The following ARHGAP22 variants were observed in gnomAD, a reference collection of about 807,000 sequenced individuals.
The protein encoded by ARHGAP22 is Rho GTPase activating protein 22, also known as rho GTPase-activating protein 22.
Under a neutral mutation model 59.1 loss-of-function variants are expected in ARHGAP22, and 48 were observed. That is an observed-to-expected ratio of 0.81 (90% CI 0.64 to 1.03). The LOEUF (loss-of-function observed/expected upper bound fraction) is 1.03, where lower values mean the gene tolerates loss of function less well. ARHGAP22 is among the 50% of genes least tolerant of loss of function. The probability of loss-of-function intolerance (pLI) is 0.00; values close to 1 mark genes in which losing one functional copy is unlikely to be tolerated. For missense variants in ARHGAP22, 1,015 were observed against 958.7 expected (o/e 1.06, Z -0.78); for synonymous variants, 445 against 416.4 (o/e 1.07, Z -0.84).
intron 1 of ARHGAP22, among the ~76,000 whole-genome samples, chr10:48,616,361 C>T (rs2061080937): frequency 6.6e-6 from 1 of 151,912 alleles, no homozygotes; most frequent in African/African-American, 2.4e-5. Flanking sequence ...TGCAATGTCT[C>T]CTAGATATGC....
intron 1 of ARHGAP22, among the ~76,000 whole-genome samples, chr10:48,593,335 G>A (rs921820250): frequency 6.6e-6 from 1 of 152,178 alleles, no homozygotes; most frequent in Non-Finnish European, 1.5e-5. Context: ...AACTACAGTA[G>A]TCTCCCCTTA....
At chr10:48,592,025 C>G (rs998325762) in intron 1 of ARHGAP22, among the ~76,000 whole-genome samples, 2 of 151,990 alleles carry the variant, frequency 1.3e-5, no homozygotes, top group Non-Finnish European at 2.9e-5. Context: ...ATGTAAAAAC[C>G]TGAGTGCCCG....
At chr10:48,566,605 C>T (rs1006793857) in intron 2 of ARHGAP22, among the ~76,000 whole-genome samples, 3 of 152,226 alleles carry the variant, frequency 2.0e-5, no homozygotes, top group African/African-American at 7.2e-5. Flanking sequence ...ACGCTGCCAC[C>T]TGTGAACCTG....
At chr10:48,475,838 T>C (rs567740257) in intron 4 of ARHGAP22, among the ~76,000 whole-genome samples, 40 of 152,264 alleles carry the variant, frequency 2.6e-4, no homozygotes, top group African/African-American at 9.1e-4. Context: ...TGCCATGAGG[T>C]GCTAACAGCT....
intron 9 of ARHGAP22, 110 bp from the exon 10 acceptor site, chr10:48,446,729 G>C: frequency 6.6e-6 from 7 of 1,066,086 alleles, no homozygotes; most frequent in Non-Finnish European, 9.4e-6. Flanking sequence ...GCCAAGCCAT[G>C]GCGGCAGGAG....
At chr10:48,630,511 A>G (rs1288137088) in intron 1 of ARHGAP22, among the ~76,000 whole-genome samples, 1 of 152,234 alleles carries the variant, frequency 6.6e-6, no homozygotes, top group Non-Finnish European at 1.5e-5. Flanking sequence ...CATAAAGATT[A>G]TGTACATATT....
intron 1 of ARHGAP22, among the ~76,000 whole-genome samples, chr10:48,623,687 C>T (rs189644364): frequency 1.8e-4 from 27 of 152,300 alleles, no homozygotes; most frequent in African/African-American, 6.3e-4. Flanking sequence ...GAACCCTGGA[C>T]CCCTCACCAA....
At chr10:48,655,112 C>CTCTTCTCTTCTCTTCTCTTCTCTTT (rs1554968197), upstream of ARHGAP22, among the ~76,000 whole-genome samples, 2 of 34,172 alleles carry the variant, frequency 5.9e-5, no homozygotes, top group African/African-American at 2.3e-4. Flanking sequence ...CTCTTCTCTT[C>CTCTTCTCTTCTCTTCTCTTCTCTTT]TCTTTCCTCT....
At chr10:48,616,835 A>C (rs979216563) in intron 1 of ARHGAP22, among the ~76,000 whole-genome samples, 12 of 152,156 alleles carry the variant, frequency 7.9e-5, no homozygotes, top group Non-Finnish European at 1.6e-4. Context: ...TATTAAAGTG[A>C]GTCCTTCAGG....
chr10:48,552,936 G>T (rs7895981), intron 3 of ARHGAP22, among the ~76,000 whole-genome samples: 118,303 of 152,198 alleles, frequency 0.78, 46,362 homozygotes, highest in East Asian at 0.98. Context: ...TCCTGTACCT[G>T]CCAGCTGTTT....
chr10:48,591,872 TA>T (rs902442517), intron 1 of ARHGAP22, among the ~76,000 whole-genome samples: 2 of 151,570 alleles, frequency 1.3e-5, no homozygotes, highest in South Asian at 4.2e-4. Flanking sequence ...AGACCCTGTC[TA>T]AAAAAAACCC....
chr10:48,630,892 A>C (rs1589244695), intron 1 of ARHGAP22, among the ~76,000 whole-genome samples: 2 of 152,238 alleles, frequency 1.3e-5, no homozygotes, highest in Non-Finnish European at 2.9e-5. Flanking sequence ...TCTCACAATT[A>C]AGTATACATT....
At chr10:48,592,760 T>C (rs1298450560) in intron 1 of ARHGAP22, among the ~76,000 whole-genome samples, 1 of 152,132 alleles carries the variant, frequency 6.6e-6, no homozygotes, top group Non-Finnish European at 1.5e-5. Flanking sequence ...AACCCACTCC[T>C]CCCAGGGTTC....
chr10:48,585,698 T>C (rs749011297), intron 1 of ARHGAP22, among the ~76,000 whole-genome samples: 2 of 152,210 alleles, frequency 1.3e-5, no homozygotes, highest in Non-Finnish European at 2.9e-5. Context: ...TGTCAGACTG[T>C]CTAGGTCCTC....
At chr10:48,594,110 TGA>T (rs2059928031) in intron 1 of ARHGAP22, among the ~76,000 whole-genome samples, 1 of 152,214 alleles carries the variant, frequency 6.6e-6, no homozygotes, top group Non-Finnish European at 1.5e-5. Flanking sequence ...AGTATTTATC[TGA>T]GACAAGCATC....
rs372947378 is a variant in ARHGAP22 at position 48,556,737 on chromosome 10, G to A, written c.235-1187C>T. On this transcript the variant is annotated intron_variant, in intron 2 of 9. Coordinates refer to ENST00000249601, the MANE Select transcript of ARHGAP22 (RefSeq NM_021226.4). ...AGTACTGGTACACAGTGAGAACTGT[G>A]TAAGTGTTTGCTAAATAAATGCCTG... The A allele has an allele frequency of 8.5e-5, 13 of 152,340 alleles. 1 individual carries two copies. The East Asian group carries it at 1.3e-3, about 16-fold the overall frequency. The allele number at this position is 152,340 out of a possible 1,614,324, so 9.4% of individuals were successfully genotyped here.
At chr10:48,577,811 T>TTG (rs1564919802) in intron 2 of ARHGAP22, among the ~76,000 whole-genome samples, 1 of 88,526 alleles carries the variant, frequency 1.1e-5, no homozygotes, top group African/African-American at 5.2e-5. Flanking sequence ...GTTTTTTTTT[T>TTG]TTTTTTTTTT....
intron 3 of ARHGAP22, among the ~76,000 whole-genome samples, chr10:48,534,353 A>T (rs1204758760): frequency 6.6e-6 from 1 of 151,868 alleles, no homozygotes; most frequent in Non-Finnish European, 1.5e-5. Flanking sequence ...CCTCACCCCC[A>T]CCCTGCCCCC....
At chr10:48,591,823 G>A (rs978811366) in intron 1 of ARHGAP22, among the ~76,000 whole-genome samples, 4 of 151,956 alleles carry the variant, frequency 2.6e-5, no homozygotes, top group East Asian at 1.9e-4. Flanking sequence ...GCAGTGAGTC[G>A]AGATTGCATC....
Sources: gnomAD v4.1 joint callset for allele counts (sites outside exome capture counted in the v4.1 genomes callset) on GRCh38, gnomAD v4.1.1 for gene constraint, MANE v1.5 for transcripts, NCBI Gene and HGNC (gene_info 2026-07-23, HGNC 2026-07-21) for gene names.